The following CSMD1 variants were observed in gnomAD, a reference collection of about 807,000 sequenced individuals.
The protein encoded by CSMD1 is CUB and Sushi multiple domains 1.
In CSMD1, 213 loss-of-function variants were observed where a neutral mutation model predicts 417.5. The ratio of observed to expected loss-of-function variants is 0.51; its 90% CI spans 0.46 to 0.57. The LOEUF (loss-of-function observed/expected upper bound fraction) is 0.57. Among genes scored for constraint, CSMD1 ranks in the 20% least tolerant of loss-of-function variants. CSMD1 has a pLI of 0.00. For missense variants in CSMD1, 6,923 were observed against 4,529.7 expected (o/e 1.53, Z -15.17); for synonymous variants, 2,862 against 1,736.8 (o/e 1.65, Z -16.11).
At chr8:3,203,381 A>C (rs1468212903) in intron 31 of CSMD1, among the ~76,000 whole-genome samples, 1 of 152,198 alleles carries the variant, frequency 6.6e-6, no homozygotes, top group African/African-American at 2.4e-5. Context: ...GTTCACTGCT[A>C]TCTACGCTGC....
chr8:3,040,363 G>C (rs2128983324), intron 50 of CSMD1, among the ~76,000 whole-genome samples: 1 of 139,704 alleles, frequency 7.2e-6, no homozygotes, highest in Admixed American at 7.5e-5. Flanking sequence ...GAAAATCAAG[G>C]TGTAGATAGC....
chr8:3,833,386 T>C (rs923356212), intron 5 of CSMD1, among the ~76,000 whole-genome samples: 7 of 152,168 alleles, frequency 4.6e-5, no homozygotes, highest in Non-Finnish European at 8.8e-5. Flanking sequence ...TAAAATAATT[T>C]ACTGCATTCA....
chr8:3,538,285 T>C (rs939971087), intron 10 of CSMD1, among the ~76,000 whole-genome samples: 4 of 152,242 alleles, frequency 2.6e-5, no homozygotes, highest in African/African-American at 9.6e-5. Flanking sequence ...GTGGTGCACC[T>C]GATATGCTTC....
intron 1 of CSMD1, among the ~76,000 whole-genome samples, chr8:4,814,860 A>T (rs1206623202): frequency 6.6e-6 from 1 of 152,208 alleles, no homozygotes; most frequent in Non-Finnish European, 1.5e-5. Context: ...CATTTGTTAG[A>T]TACTATTAGC....
intron 5 of CSMD1, among the ~76,000 whole-genome samples, chr8:3,921,351 G>A (rs764569824): frequency 1.9e-4 from 29 of 151,842 alleles, no homozygotes; most frequent in Non-Finnish European, 4.0e-4. Context: ...TAAAATTTCA[G>A]TATTTTTCAT....
intron 11 of CSMD1, among the ~76,000 whole-genome samples, chr8:3,493,342 T>G (rs1448303676): frequency 6.6e-6 from 1 of 151,408 alleles, no homozygotes; most frequent in African/African-American, 2.4e-5. Flanking sequence ...TTTGAAAAAT[T>G]TATTGTTTTT....
intron 49 of CSMD1, among the ~76,000 whole-genome samples, chr8:3,084,922 CTATATA>C (rs34463934): frequency 6.6e-6 from 1 of 151,114 alleles, no homozygotes; most frequent in African/African-American, 2.4e-5. Context: ...GCATTATAAT[CTATATA>C]TATAATGAAA....
intron 3 of CSMD1, among the ~76,000 whole-genome samples, chr8:4,183,112 T>C (rs939111282): frequency 1.3e-5 from 2 of 152,176 alleles, no homozygotes; most frequent in African/African-American, 4.8e-5. Flanking sequence ...ACAGAGATCA[T>C]CTTTATGCAG....
At chr8:4,719,587 A>G (rs546272746) in intron 1 of CSMD1, among the ~76,000 whole-genome samples, 91 of 151,610 alleles carry the variant, frequency 6.0e-4, no homozygotes, top group Admixed American at 1.4e-3. Context: ...CTAAGATAGC[A>G]TAGAACTTTG....
chr8:4,417,748 T>G (rs987988134), intron 3 of CSMD1, among the ~76,000 whole-genome samples: 2 of 152,134 alleles, frequency 1.3e-5, no homozygotes, highest in African/African-American at 2.4e-5. Context: ...TAAATCAACT[T>G]GAAACATTTT....
chr8:4,986,710 T>G (rs2117457310), intron 1 of CSMD1, among the ~76,000 whole-genome samples: 1 of 152,236 alleles, frequency 6.6e-6, no homozygotes. Flanking sequence ...TCTGTTTTGT[T>G]GTAAAACTAT....
At chr8:4,338,323 G>T (rs191248938) in intron 3 of CSMD1, among the ~76,000 whole-genome samples, 1 of 152,082 alleles carries the variant, frequency 6.6e-6, no homozygotes, top group Non-Finnish European at 1.5e-5. Context: ...CATTTACCTC[G>T]TATGTGATCT....
intron 11 of CSMD1, among the ~76,000 whole-genome samples, chr8:3,477,345 A>T (rs564453082): frequency 1.3e-5 from 2 of 152,362 alleles, no homozygotes; most frequent in Admixed American, 1.3e-4. Context: ...AAACTTGCCT[A>T]AAACTGAACT....
chr8:3,522,741 C>T (rs988101307), intron 10 of CSMD1, among the ~76,000 whole-genome samples: 3 of 151,916 alleles, frequency 2.0e-5, no homozygotes, highest in African/African-American at 2.4e-5. Context: ...ATGTGGCATT[C>T]GGGAACTACA....
chr8:3,795,462 T>G (rs1253475803), intron 5 of CSMD1, among the ~76,000 whole-genome samples: 1 of 16,310 alleles, frequency 6.1e-5, no homozygotes, highest in African/African-American at 2.3e-4. Context: ...GATATAGATA[T>G]ATATCTATCA....
At chr8:4,302,204 G>C (rs913465582) in intron 3 of CSMD1, among the ~76,000 whole-genome samples, 3 of 152,096 alleles carry the variant, frequency 2.0e-5, no homozygotes, top group Non-Finnish European at 2.9e-5. Flanking sequence ...AAAAAACAAA[G>C]CTTTAAATAG....
chr8:4,752,807 G>A (rs2117056555), intron 1 of CSMD1, among the ~76,000 whole-genome samples: 1 of 152,262 alleles, frequency 6.6e-6, no homozygotes, highest in East Asian at 1.9e-4. Context: ...ATCAGTACCT[G>A]GAGAAAGAAG....
intron 37 of CSMD1, among the ~76,000 whole-genome samples, chr8:3,172,984 G>T (rs1023151969): frequency 6.6e-6 from 1 of 152,176 alleles, no homozygotes; most frequent in African/African-American, 2.4e-5. Context: ...ATCCTAAGTG[G>T]CTGTCCCAAG....
chr8:3,626,875 A>C (rs1284943132), intron 7 of CSMD1, among the ~76,000 whole-genome samples: 2 of 149,634 alleles, frequency 1.3e-5, no homozygotes, highest in Non-Finnish European at 1.5e-5. Context: ...TAAATACATA[A>C]ATATAAGTAT....
Sources: allele counts gnomAD v4.1 joint callset (sites outside exome capture counted in the v4.1 genomes callset), GRCh38; gene constraint gnomAD v4.1.1; transcripts MANE v1.5; gene names NCBI Gene and HGNC (gene_info 2026-07-23, HGNC 2026-07-21).